ANP32A: variants seen among roughly 807,000 people sequenced by gnomAD.
ANP32A encodes acidic leucine-rich nuclear phosphoprotein 32 family member A.
In ANP32A, 1 loss-of-function variant was observed where a neutral mutation model predicts 33.9. That is an observed-to-expected ratio of 0.03 (90% CI 0.01 to 0.14). The LOEUF is 0.14. ANP32A is among the 10% of genes least tolerant of loss of function. The pLI, the probability that ANP32A is intolerant of heterozygous loss-of-function variation, is 1.00. For missense variants in ANP32A, 155 were observed against 306.0 expected (o/e 0.51, Z 3.68); for synonymous variants, 115 against 120.5 (o/e 0.95, Z 0.30).
At chr15:68,817,244 CT>C (rs1567041168) in intron 1 of ANP32A, 1 of 152,252 alleles carries the variant, frequency 6.6e-6, no homozygotes, top group Non-Finnish European at 1.5e-5. Context: ...CTCTCTTTCG[CT>C]TTAGGATCTC....
chr15:68,804,615 C>T (rs966490832), intron 1 of ANP32A, among the ~76,000 whole-genome samples: 2 of 152,098 alleles, frequency 1.3e-5, no homozygotes, highest in African/African-American at 4.8e-5. Context: ...TCACTGCAAC[C>T]TCTGATTCTC....
chr15:68,792,034 GC>G (rs1219992222), intron 1 of ANP32A: 1 of 152,296 alleles, frequency 6.6e-6, no homozygotes, highest in Non-Finnish European at 1.5e-5. Context: ...CTGAACTCTT[GC>G]TACAATACCA....
intron 1 of ANP32A, among the ~76,000 whole-genome samples, chr15:68,796,338 C>G (rs2140364860): frequency 6.6e-6 from 1 of 152,280 alleles, no homozygotes; most frequent in South Asian, 2.1e-4. Context: ...GCCTCCGCCT[C>G]CCAAAGTGCT....
chr15:68,796,945 G>A (rs1894071405), intron 1 of ANP32A, among the ~76,000 whole-genome samples: 1 of 152,094 alleles, frequency 6.6e-6, no homozygotes, highest in Non-Finnish European at 1.5e-5. Context: ...GAAAGAACGT[G>A]GCCAATTTCA....
chr15:68,811,190 G>T (rs1894307387), intron 1 of ANP32A, among the ~76,000 whole-genome samples: 1 of 152,226 alleles, frequency 6.6e-6, no homozygotes, highest in East Asian at 1.9e-4. Context: ...TGGAGTAAGA[G>T]AGGTGACAGG....
At position 68,779,923 on chromosome 15, in the gene ANP32A, C is replaced by T. The variant is rs561441696; in HGVS notation, c.*158G>A. 5.1e-4 allele frequency: 259 copies of T among 510,136 alleles called. 1 individual carries two copies. The highest frequency in any genetic ancestry group is 4.2e-3 in the African/African-American group (211 of 50,774). 31.6% of individuals were successfully genotyped at this position (510,136 alleles called of 1,614,324 possible). ...CACCCCCACCCGCCATCCCTCCCCC[C>T]GCAACCCCCAGTACACTCTTCCCCT... On this transcript the variant is annotated 3_prime_UTR_variant, in exon 7 of 7. Transcript: ENST00000465139.
chr15:68,813,865 G>C (rs1311651940), intron 1 of ANP32A, among the ~76,000 whole-genome samples: 1 of 106,038 alleles, frequency 9.4e-6, no homozygotes, highest in East Asian at 2.6e-4. Flanking sequence ...CAATTTCCAG[G>C]AAGTTTTTTT....
intron 1 of ANP32A, among the ~76,000 whole-genome samples, chr15:68,808,412 G>A (rs1894267612): frequency 6.6e-6 from 1 of 152,134 alleles, no homozygotes; most frequent in Admixed American, 6.5e-5. Context: ...TCCACCACAG[G>A]AGCCAGGCAC....
At chr15:68,804,792 C>T (rs946834363) in intron 1 of ANP32A, among the ~76,000 whole-genome samples, 4 of 152,220 alleles carry the variant, frequency 2.6e-5, no homozygotes, top group South Asian at 2.1e-4. Context: ...AGATTGTAGG[C>T]GTGAGCCGCT....
chr15:68,787,967 A>T lies in ANP32A; in HGVS notation c.55-48T>A, dbSNP rs542047651. On this transcript the variant is annotated intron_variant, in intron 1 of 6. Transcript: ENST00000465139. ...GAGCGGGGCTGAGGAATGGGGCTGA[A>T]GCAGGGGGAGGGTGTTAGAGGACTC... 2.8e-4 allele frequency: 449 copies of T among 1,612,256 alleles called. 6 individuals are homozygous for T. The South Asian group carries it at 4.6e-3, about 17-fold the overall frequency.
At chr15:68,818,300 T>C (rs747848494) in intron 1 of ANP32A, 11 of 253,154 alleles carry the variant, frequency 4.3e-5, no homozygotes, top group South Asian at 1.9e-4. Context: ...CGGAGCCCAG[T>C]TGGGAGAGGT....
chr15:68,809,277 C>T (rs928407456), intron 1 of ANP32A, among the ~76,000 whole-genome samples: 1 of 152,192 alleles, frequency 6.6e-6, no homozygotes, highest in Non-Finnish European at 1.5e-5. Flanking sequence ...CTACTCATCA[C>T]ACACTAGAGC....
intron 1 of ANP32A, among the ~76,000 whole-genome samples, chr15:68,812,095 C>A (rs11632936): frequency 0.23 from 34,821 of 151,812 alleles, 4,989 homozygotes; most frequent in South Asian, 0.41. Context: ...GTTCTAACGG[C>A]AACAACAGCT....
intron 1 of ANP32A, among the ~76,000 whole-genome samples, chr15:68,810,096 G>A (rs1894292139): frequency 6.6e-6 from 1 of 152,208 alleles, no homozygotes; most frequent in Non-Finnish European, 1.5e-5. Context: ...ATCTCAGTGT[G>A]GCACAGGTTT....
intron 1 of ANP32A, among the ~76,000 whole-genome samples, chr15:68,819,183 G>C (rs1451305344): frequency 6.6e-6 from 1 of 152,186 alleles, no homozygotes; most frequent in East Asian, 1.9e-4. Flanking sequence ...GCACGGTGCT[G>C]CCCAAACTCC....
chr15:68,812,315 T>A (rs530398193), intron 1 of ANP32A, among the ~76,000 whole-genome samples: 12 of 152,232 alleles, frequency 7.9e-5, no homozygotes, highest in East Asian at 3.9e-4. Context: ...TGACCCAGCA[T>A]GCAAAGTGTG....
At chr15:68,804,278 TC>T (rs1476141572) in intron 1 of ANP32A, among the ~76,000 whole-genome samples, 1 of 152,104 alleles carries the variant, frequency 6.6e-6, no homozygotes, top group Non-Finnish European at 1.5e-5. Context: ...AAGCTAAGAT[TC>T]CAGGTTGGAT....
intron 1 of ANP32A, among the ~76,000 whole-genome samples, chr15:68,800,394 C>T (rs1894114894): frequency 6.6e-6 from 1 of 151,128 alleles, no homozygotes; most frequent in African/African-American, 2.4e-5. Flanking sequence ...AAGAATAAAC[C>T]AATAAATGTA....
At chr15:68,803,473 C>T (rs1364824150) in intron 1 of ANP32A, among the ~76,000 whole-genome samples, 1 of 152,182 alleles carries the variant, frequency 6.6e-6, no homozygotes, top group Non-Finnish European at 1.5e-5. Context: ...AGCACCTAAG[C>T]CCCTAATTAT....
Sources: allele counts gnomAD v4.1 joint callset (sites outside exome capture counted in the v4.1 genomes callset), GRCh38; gene constraint gnomAD v4.1.1; transcripts MANE v1.5; gene names NCBI Gene and HGNC (gene_info 2026-07-23, HGNC 2026-07-21).